SLA: variants seen among roughly 807,000 people sequenced by gnomAD.
SLA encodes src-like-adapter.
In SLA, 16 loss-of-function variants were observed where a neutral mutation model predicts 30.3. That is an observed-to-expected ratio of 0.53 (90% CI 0.36 to 0.80). The LOEUF is 0.80. SLA is among the 30% of genes least tolerant of loss of function. SLA has a pLI of 0.01. For missense variants in SLA, 310 were observed against 345.2 expected (o/e 0.90, Z 0.81); for synonymous variants, 143 against 137.8 (o/e 1.04, Z -0.26).
intron 3 of SLA, among the ~76,000 whole-genome samples, chr8:133,056,464 C>T (rs1276864412): frequency 3.3e-5 from 5 of 152,180 alleles, no homozygotes; most frequent in African/African-American, 4.8e-5. Flanking sequence ...TCGAGACGAG[C>T]CCATCCTCTT....
At chr8:133,093,105 G>A (rs1847825043) in intron 1 of SLA, among the ~76,000 whole-genome samples, 1 of 92,224 alleles carries the variant, frequency 1.1e-5, no homozygotes, top group African/African-American at 3.6e-5. Flanking sequence ...AATATTTTGA[G>A]TGTGTGTGTG....
intron 1 of SLA, among the ~76,000 whole-genome samples, chr8:133,085,376 A>G (rs1001198720): frequency 6.6e-6 from 1 of 152,252 alleles, no homozygotes; most frequent in African/African-American, 2.4e-5. Context: ...AATTTAAAAA[A>G]TTCTGTGCTC....
chr8:133,047,622 G>A, intron 6 of SLA: 1 of 584,386 alleles, frequency 1.7e-6, no homozygotes, highest in Non-Finnish European at 3.1e-6. Flanking sequence ...CCGTGGCAGT[G>A]CCCAGCCGGC....
chr8:133,076,455 C>T (rs542169552), intron 1 of SLA, among the ~76,000 whole-genome samples: 2 of 152,168 alleles, frequency 1.3e-5, no homozygotes, highest in African/African-American at 4.8e-5. Context: ...TGAAAACACC[C>T]GCTCAAGAAG....
In SLA at chr8:133,096,533, A is replaced by G. The variant is rs188329515; in HGVS notation, c.-319+6020T>C. On this transcript the variant is annotated intron_variant, in intron 1 of 8. Coordinates refer to ENST00000338087, the MANE Select transcript of SLA (RefSeq NM_001045556.3). ...GAGGTGGTAATGGGGGGATTTAGAAATTAGACACTTGCAGGGTAGTGAGCA... is the reference window on the plus strand; with the variant it reads ...GAGGTGGTAATGGGGGGATTTAGAAGTTAGACACTTGCAGGGTAGTGAGCA... Among the ~76,000 whole-genome samples, 294 of 152,316 alleles carry G rather than the reference A, an allele frequency of 1.9e-3. 2 individuals are homozygous for G. Among genetic ancestry groups the G allele is most frequent in the African/African-American group, 6.7e-3 (277 of 41,554 alleles).
At chr8:133,054,621 A>G (rs1841024229) in intron 3 of SLA, among the ~76,000 whole-genome samples, 1 of 152,252 alleles carries the variant, frequency 6.6e-6, no homozygotes, top group Non-Finnish European at 1.5e-5. Context: ...AGTGTTAGCC[A>G]ATAACTTTCT....
chr8:133,043,674 C>T (rs990562255), intron 7 of SLA, among the ~76,000 whole-genome samples: 1 of 152,174 alleles, frequency 6.6e-6, no homozygotes, highest in Non-Finnish European at 1.5e-5. Flanking sequence ...ACCTGCCTCT[C>T]CTGAGCAGCC....
At chr8:133,064,228 A>C (rs1842773400) in intron 2 of SLA, 1 of 152,240 alleles carries the variant, frequency 6.6e-6, no homozygotes, top group Non-Finnish European at 1.5e-5. Context: ...AGCGAGCCTG[A>C]TAACCCCATT....
At chr8:133,081,206 T>C (rs1308758738) in intron 1 of SLA, among the ~76,000 whole-genome samples, 3 of 152,266 alleles carry the variant, frequency 2.0e-5, no homozygotes, top group Admixed American at 2.0e-4. Flanking sequence ...AATTGGAGCC[T>C]GAGCTTGGGA....
At chr8:133,095,504 C>T (rs1221865122) in intron 1 of SLA, among the ~76,000 whole-genome samples, 2 of 152,192 alleles carry the variant, frequency 1.3e-5, no homozygotes, top group African/African-American at 4.8e-5. Flanking sequence ...TGAAGTCACA[C>T]ATGTGAAGGA....
chr8:133,094,436 T>A (rs1164494733), intron 1 of SLA, among the ~76,000 whole-genome samples: 1 of 151,986 alleles, frequency 6.6e-6, no homozygotes, highest in East Asian at 1.9e-4. Flanking sequence ...GAGATGGGGT[T>A]TCACTGTGTT....
Position 133,077,519 on chromosome 8 carries a change from T to C in SLA, c.-318-2389A>G, listed in dbSNP as rs182352506. On this transcript the variant is annotated intron_variant, in intron 1 of 8. Transcript: ENST00000338087. ...AGTAGGTTTGAGAAAGTGTTCCTCA[T>C]ACTGGGCACTGTGCTATCCCAAAGC... is the stretch of plus-strand genomic sequence containing the variant. Among the ~76,000 whole-genome samples the C allele has an allele frequency of 3.4e-3, 514 of 152,262 alleles. 3 individuals are homozygous for C. The highest frequency in any genetic ancestry group is 0.012 in the African/African-American group (490 of 41,562).
chr8:133,069,477 A>G (rs2245152), intron 2 of SLA, among the ~76,000 whole-genome samples: 24,761 of 151,766 alleles, frequency 0.16, 2,377 homozygotes, highest in East Asian at 0.21. Flanking sequence ...GATGTTTTTA[A>G]TTTGCTATTA....
intron 8 of SLA, 71 bp downstream of exon 8, chr8:133,039,927 C>T: frequency 6.6e-7 from 1 of 1,518,068 alleles, no homozygotes; most frequent in South Asian, 1.2e-5. Flanking sequence ...CCGTTTTGTG[C>T]TCACATGTTC....
intron 2 of SLA, among the ~76,000 whole-genome samples, chr8:133,063,883 C>T (rs991868792): frequency 5.3e-5 from 8 of 152,220 alleles, no homozygotes; most frequent in Non-Finnish European, 1.0e-4. Context: ...GCTGGAGTCT[C>T]TCTAATGAAA....
chr8:133,061,704 G>T (rs139091589), intron 2 of SLA, among the ~76,000 whole-genome samples: 35 of 152,302 alleles, frequency 2.3e-4, no homozygotes, highest in Middle Eastern at 3.4e-3. Flanking sequence ...ACCTGTGTCT[G>T]CAGCTCAGGA....
intron 4 of SLA, 116 bp from the exon 5 acceptor site, chr8:133,050,104 A>G: frequency 1.3e-6 from 1 of 771,878 alleles, no homozygotes; most frequent in South Asian, 1.4e-5. Flanking sequence ...CTCTTTTAAG[A>G]TCTGTCACTG....
At chr8:133,100,024 G>A (rs916520284) in intron 1 of SLA, among the ~76,000 whole-genome samples, 14 of 152,148 alleles carry the variant, frequency 9.2e-5, no homozygotes, top group African/African-American at 3.4e-4. Flanking sequence ...TCATGCAGAG[G>A]AAAATTCCAG....
chr8:133,098,382 CTT>C (rs1848750636), intron 1 of SLA, among the ~76,000 whole-genome samples: 1 of 152,224 alleles, frequency 6.6e-6, no homozygotes, highest in Non-Finnish European at 1.5e-5. Context: ...AAGTTCTAGT[CTT>C]AGTATTCTCT....
Sources: gnomAD v4.1 joint callset for allele counts (sites outside exome capture counted in the v4.1 genomes callset) on GRCh38, gnomAD v4.1.1 for gene constraint, MANE v1.5 for transcripts, NCBI Gene and HGNC (gene_info 2026-07-23, HGNC 2026-07-21) for gene names.